Variants in RASGRP3 observed in about 807,000 individuals in gnomAD.
RASGRP3 encodes the protein RAS guanyl releasing protein 3.
Under a neutral mutation model 82.7 loss-of-function variants are expected in RASGRP3, and 54 were observed. The observed-to-expected ratio is 0.65, with a 90% CI of 0.52 to 0.82. The LOEUF is 0.82. RASGRP3 is among the 40% of genes least tolerant of loss of function. The pLI, the probability that RASGRP3 is intolerant of heterozygous loss-of-function variation, is 0.00. For synonymous variants in RASGRP3, 309 were observed against 300.5 expected, an observed-to-expected ratio of 1.03 and a Z score of -0.29; for missense variants, 861 against 828.9, an observed-to-expected ratio of 1.04 and a Z score of -0.48.
At chr2:33,548,651 T>C (rs1675067377) in intron 13 of RASGRP3, among the ~76,000 whole-genome samples, 1 of 152,066 alleles carries the variant, frequency 6.6e-6, no homozygotes, top group Non-Finnish European at 1.5e-5. Context: ...CAGCAAATGC[T>C]AATGGACAAA....
chr2:33,478,952 G>A (rs576473480), intron 1 of RASGRP3, among the ~76,000 whole-genome samples: 1 of 152,306 alleles, frequency 6.6e-6, no homozygotes, highest in African/African-American at 2.4e-5. Context: ...AGGAAACTGA[G>A]GTTCTTGACC....
intron 1 of RASGRP3, among the ~76,000 whole-genome samples, chr2:33,502,327 C>T (rs987265209): frequency 1.3e-5 from 2 of 151,582 alleles, no homozygotes; most frequent in East Asian, 1.9e-4. Context: ...GGTGTAGATA[C>T]CTTCACATGG....
chr2:33,439,470 G>C (rs918805380), intron 1 of RASGRP3, among the ~76,000 whole-genome samples: 6 of 152,130 alleles, frequency 3.9e-5, no homozygotes, highest in African/African-American at 1.2e-4. Flanking sequence ...AAGGAATAGG[G>C]CTGTCAGATG....
At position 33,527,185 on chromosome 2, in the gene RASGRP3, A is replaced by C. The variant is rs1191968157; in HGVS notation, c.856A>C (p.Asn286His). The C allele has an allele frequency of 2.7e-5, 44 of 1,614,070 alleles. No individual in the cohort carries two copies. The highest frequency in any genetic ancestry group is 3.6e-5 in the Non-Finnish European group (43 of 1,179,896). The part of the protein sequence containing the change: ...ELVSSNGNYC[N>H]YRKAFADCDG... ...GGTCTCCTCCAACGGCAATTACTGC[A>C]ATTACCGCAAGGCCTTTGCCGACTG... Residue 286 changes from asparagine (N) to histidine (H), a missense_variant, in exon 10 of 18, where the codon AAT (asparagine) becomes CAT (histidine). Coordinates refer to ENST00000403687, the MANE Select transcript of RASGRP3 (RefSeq NM_001139488.2).
chr2:33,479,977 C>T (rs1481140381), intron 1 of RASGRP3, among the ~76,000 whole-genome samples: 2 of 151,626 alleles, frequency 1.3e-5, no homozygotes, highest in Non-Finnish European at 2.9e-5. Context: ...ATCAGTGTTT[C>T]TGCAAGGTCG....
At chr2:33,524,288 GA>G in intron 8 of RASGRP3, 143 bp from the exon 9 acceptor site, 2 of 714,334 alleles carry the variant, frequency 2.8e-6, no homozygotes, top group Non-Finnish European at 4.6e-6. Context: ...ATATTTCTCT[GA>G]TTCTATTTGT....
intron 14 of RASGRP3, among the ~76,000 whole-genome samples, chr2:33,552,622 A>G (rs1054499473): frequency 5.9e-5 from 9 of 152,218 alleles, no homozygotes; most frequent in African/African-American, 2.2e-4. Context: ...GAATGGTTCC[A>G]GTGCCGGAAC....
intron 1 of RASGRP3, among the ~76,000 whole-genome samples, chr2:33,506,114 C>G (rs1458970549): frequency 6.6e-6 from 1 of 152,194 alleles, no homozygotes; most frequent in East Asian, 1.9e-4. Flanking sequence ...TGGTTATTGA[C>G]TTCTGTTCAG....
intron 1 of RASGRP3, among the ~76,000 whole-genome samples, chr2:33,503,754 A>G (rs924249767): frequency 6.6e-6 from 1 of 152,226 alleles, no homozygotes; most frequent in Non-Finnish European, 1.5e-5. Context: ...GTTTTCACTT[A>G]GATGATAACA....
intron 2 of RASGRP3, among the ~76,000 whole-genome samples, chr2:33,465,011 A>T (rs1455562707): frequency 6.6e-6 from 1 of 152,208 alleles, no homozygotes; most frequent in Non-Finnish European, 1.5e-5. Flanking sequence ...TGAGAGAAAG[A>T]GTCACAATTT....
At chr2:33,443,742 A>G (rs62147115) in intron 1 of RASGRP3, among the ~76,000 whole-genome samples, 2,545 of 148,764 alleles carry the variant, frequency 0.017, 35 homozygotes, top group Middle Eastern at 0.1. Flanking sequence ...ATAGCTGGGC[A>G]TGGTGGTACG....
At chr2:33,437,997 T>G (rs1665016419) in intron 1 of RASGRP3, among the ~76,000 whole-genome samples, 1 of 152,216 alleles carries the variant, frequency 6.6e-6, no homozygotes, top group Admixed American at 6.5e-5. Context: ...ACTTAATTAA[T>G]TGCCACGCCA....
At chr2:33,512,346 A>G (rs1362294874) in intron 2 of RASGRP3, among the ~76,000 whole-genome samples, 2 of 152,224 alleles carry the variant, frequency 1.3e-5, no homozygotes, top group African/African-American at 4.8e-5. Flanking sequence ...AAACCAGTTT[A>G]GTCTAGGCCT....
chr2:33,496,669 A>C (rs1669344205), intron 1 of RASGRP3, among the ~76,000 whole-genome samples: 2 of 152,214 alleles, frequency 1.3e-5, no homozygotes, highest in African/African-American at 2.4e-5. Context: ...CAGCCTGGGC[A>C]ACATAGTGAA....
intron 1 of RASGRP3, among the ~76,000 whole-genome samples, chr2:33,446,180 C>A (rs553852008): frequency 6.6e-6 from 1 of 152,080 alleles, no homozygotes; most frequent in Non-Finnish European, 1.5e-5. Context: ...GTTTTTGAGA[C>A]GGAGTCTCGC....
chr2:33,475,221 T>A (rs1354681548), upstream of RASGRP3, among the ~76,000 whole-genome samples: 1 of 152,238 alleles, frequency 6.6e-6, no homozygotes, highest in East Asian at 1.9e-4. Context: ...GGGATTTGTT[T>A]TGGTGCTTAC....
chr2:33,483,401 C>G (rs541751170), intron 1 of RASGRP3, among the ~76,000 whole-genome samples: 2 of 151,264 alleles, frequency 1.3e-5, no homozygotes, highest in East Asian at 3.9e-4. Context: ...CCAGGTGCAA[C>G]TTTGACAGAG....
intron 1 of RASGRP3, chr2:33,481,235 C>A (rs1386479189): frequency 6.6e-6 from 1 of 152,326 alleles, no homozygotes; most frequent in African/African-American, 2.4e-5. Flanking sequence ...GATCTCGGCT[C>A]ACTGCAAGCT....
intron 2 of RASGRP3, among the ~76,000 whole-genome samples, chr2:33,463,015 A>G (rs1244750365): frequency 1.3e-5 from 2 of 152,170 alleles, no homozygotes; most frequent in Non-Finnish European, 2.9e-5. Flanking sequence ...GAATCCTAGA[A>G]TCAACAGTGG....
Sources: allele counts gnomAD v4.1 joint callset (sites outside exome capture counted in the v4.1 genomes callset), GRCh38; gene constraint gnomAD v4.1.1; transcripts MANE v1.5; gene names NCBI Gene and HGNC (gene_info 2026-07-23, HGNC 2026-07-21).